The following DCDC2 variants were observed in gnomAD, a reference collection of about 807,000 sequenced individuals.
The protein encoded by DCDC2 is doublecortin domain-containing protein 2.
DCDC2 carries 40 observed loss-of-function variants against 50.2 expected under a neutral mutation model. That is an observed-to-expected ratio of 0.80 (90% CI 0.62 to 1.04). The LOEUF is 1.04. Ranked by LOEUF, DCDC2 falls within the 50% of genes least tolerant of loss-of-function variation. The pLI, the probability that DCDC2 is intolerant of heterozygous loss-of-function variation, is 0.00. For missense variants in DCDC2, 570 were observed against 581.9 expected (o/e 0.98, Z 0.21); for synonymous variants, 234 against 210.6 (o/e 1.11, Z -0.96).
chr6:24,355,274 CT>C (rs369167480), intron 1 of DCDC2, among the ~76,000 whole-genome samples: 141 of 147,660 alleles, frequency 9.5e-4, no homozygotes, highest in South Asian at 8.2e-3. Context: ...GGAACTGTAC[CT>C]TTTTTTTTTA....
intron 1 of DCDC2, chr6:24,357,179 C>A: frequency 3.0e-6 from 1 of 330,808 alleles, no homozygotes; most frequent in Non-Finnish European, 5.5e-6. Flanking sequence ...GGTCACTAAC[C>A]TTTGCAAGGA....
intron 2 of DCDC2, among the ~76,000 whole-genome samples, chr6:24,303,150 A>G (rs1561767073): frequency 6.6e-6 from 1 of 151,674 alleles, no homozygotes; most frequent in South Asian, 2.1e-4. Context: ...CCTTGACCTT[A>G]TGGCCGCTCT....
At position 24,350,215 on chromosome 6, in the gene DCDC2, C is replaced by T. The variant is rs115745007; in HGVS notation, c.348+3354G>A. Among the ~76,000 whole-genome samples, 1,103 of 152,280 alleles carry T rather than the reference C, an allele frequency of 7.2e-3. 14 individuals carry two copies. The highest frequency in any genetic ancestry group is 0.024 in the African/African-American group (1,006 of 41,548). The stretch of plus-strand genomic sequence containing the variant: ...AAGCATTTCCAATGTCAAGGTGACA[C>T]GCACATTCTAGTTAGCATGACCTGA... On this transcript the variant is annotated intron_variant, in intron 2 of 9. Coordinates refer to ENST00000378454, the MANE Select transcript of DCDC2 (RefSeq NM_016356.5).
chr6:24,236,849 A>C (rs1414611596), intron 7 of DCDC2, among the ~76,000 whole-genome samples: 1 of 152,132 alleles, frequency 6.6e-6, no homozygotes, highest in Non-Finnish European at 1.5e-5. Context: ...ATCTCTACTA[A>C]AAATATAAAA....
upstream of DCDC2, among the ~76,000 whole-genome samples, chr6:24,359,999 G>A (rs566022680): frequency 2.5e-3 from 377 of 152,326 alleles, 3 homozygotes; most frequent in African/African-American, 8.7e-3. Flanking sequence ...GGGAGCTCGG[G>A]CGCCGGCCGC....
At chr6:24,372,343 C>T in the DCDC2 span, among the ~76,000 whole-genome samples, 1,733 of 151,824 alleles carry the variant, frequency 0.011, 21 homozygotes, top group Middle Eastern at 0.024. Flanking sequence ...GGCGTGAACC[C>T]GGGAGGCGGA....
In DCDC2 at chr6:24,208,085, C is replaced by T. The variant is rs550233231; in HGVS notation, c.923-2983G>A. Among the ~76,000 whole-genome samples the T allele has an allele frequency of 8.7e-4, 132 of 152,242 alleles. 1 individual carries two copies. Among genetic ancestry groups the T allele is most frequent in the African/African-American group, 3.0e-3 (124 of 41,534 alleles). On this transcript the variant is annotated intron_variant, in intron 7 of 9. Coordinates refer to ENST00000378454, the MANE Select transcript of DCDC2 (RefSeq NM_016356.5). The stretch of plus-strand genomic sequence containing the variant: ...CATCCCCTCAATTTCACCTTGATTT[C>T]GATCATTTTCATCAAATGGAGCGAT...
rs145113890 is a variant in DCDC2 at position 24,344,555 on chromosome 6, T to C, written c.348+9014A>G. Among the ~76,000 whole-genome samples, 21 of 152,358 alleles carry C rather than the reference T, an allele frequency of 1.4e-4. No homozygotes were observed. The East Asian group carries it at 4.0e-3, about 29-fold the overall frequency. ...CAGATATTTGGAACAAATGCCATGATACATGTTCAAAGCTAAAGTAAAATC... is the reference window on the plus strand; with the variant it reads ...CAGATATTTGGAACAAATGCCATGACACATGTTCAAAGCTAAAGTAAAATC... On this transcript the variant is annotated intron_variant, in intron 2 of 9. Coordinates refer to ENST00000378454, the MANE Select transcript of DCDC2 (RefSeq NM_016356.5).
At chr6:24,277,219 T>C (rs892159878) in intron 7 of DCDC2, among the ~76,000 whole-genome samples, 1 of 145,474 alleles carries the variant, frequency 6.9e-6, no homozygotes, top group Non-Finnish European at 1.5e-5. Context: ...ATCTGAAACC[T>C]GATCCCATCA....
chr6:24,308,244 T>C (rs1437366805), intron 2 of DCDC2, among the ~76,000 whole-genome samples: 2 of 152,244 alleles, frequency 1.3e-5, no homozygotes, highest in Non-Finnish European at 2.9e-5. Context: ...GCTGGACTAA[T>C]TGTAGAGACA....
At position 24,219,209 on chromosome 6, in the gene DCDC2, T is replaced by C. The variant is rs148882146; in HGVS notation, c.923-14107A>G. Reference sequence around the variant, plus strand: ...TTTAGGATAAGTGGGAATGCTGATATAGTCAAGAAACATTTTTTTATTCAA... The same window carrying C: ...TTTAGGATAAGTGGGAATGCTGATACAGTCAAGAAACATTTTTTTATTCAA... On this transcript the variant is annotated intron_variant, in intron 7 of 9. Transcript: ENST00000378454. Among the ~76,000 whole-genome samples the C allele has an allele frequency of 7.8e-3, 1,192 of 152,334 alleles. 11 individuals carry two copies. Among genetic ancestry groups the C allele is most frequent in the Non-Finnish European group, 0.013 (901 of 68,034 alleles).
chr6:24,263,934 T>A lies in DCDC2; in HGVS notation c.922+14115A>T, dbSNP rs577904401. 4.6e-5 allele frequency among the ~76,000 whole-genome samples: 7 copies of A among 152,250 alleles called. No individual in the cohort carries two copies. In the East Asian group the frequency reaches 5.8e-4, roughly 13 times the overall value. On this transcript the variant is annotated intron_variant, in intron 7 of 9. Coordinates refer to ENST00000378454, the MANE Select transcript of DCDC2 (RefSeq NM_016356.5). ...CCAAATAAGACAACCTCAAGACATT[T>A]AATAATCCAACTCCCAAAGGTCAAG... is the stretch of plus-strand genomic sequence containing the variant.
At chr6:24,192,215 ACAGT>A (rs1276187715) in intron 8 of DCDC2, among the ~76,000 whole-genome samples, 1 of 152,208 alleles carries the variant, frequency 6.6e-6, no homozygotes, top group African/African-American at 2.4e-5. Context: ...CCTCTTTCTC[ACAGT>A]CAGATCCCAA....
intron 1 of DCDC2, chr6:24,356,760 TG>T (rs2127256939): frequency 6.6e-6 from 1 of 152,362 alleles, no homozygotes; most frequent in African/African-American, 2.4e-5. Context: ...CTTTGTTCCC[TG>T]AACTGACGGT....
At chr6:24,345,435 G>T (rs1009211055) in intron 2 of DCDC2, among the ~76,000 whole-genome samples, 1 of 152,104 alleles carries the variant, frequency 6.6e-6, no homozygotes, top group Non-Finnish European at 1.5e-5. Context: ...AAACTTTTCA[G>T]CAAGGCAAAG....
chr6:24,190,690 C>CA (rs1338393574), intron 8 of DCDC2, among the ~76,000 whole-genome samples: 1 of 152,162 alleles, frequency 6.6e-6, no homozygotes, highest in Non-Finnish European at 1.5e-5. Context: ...CGTGACGCCA[C>CA]AAAAAGCCTT....
intron 8 of DCDC2, among the ~76,000 whole-genome samples, chr6:24,195,238 T>C (rs1021222844): frequency 2.0e-5 from 3 of 152,156 alleles, no homozygotes; most frequent in Non-Finnish European, 4.4e-5. Flanking sequence ...GCTCACGCAA[T>C]AGCAGTAGCC....
At position 24,357,980 on chromosome 6, in the gene DCDC2, T is replaced by C; in HGVS notation, c.-230A>G. 2 of 1,453,110 alleles carry C rather than the reference T, an allele frequency of 1.4e-6. No homozygotes were observed. The highest frequency in any genetic ancestry group is 1.8e-6 in the Non-Finnish European group (2 of 1,095,156). 90.0% of individuals were successfully genotyped at this position (1,453,110 alleles called of 1,614,324 possible). ...GACGCTCAAGTTTTTCACCGTGGCG[T>C]GCACAGCCAATCAGGACCCGCAGTG... On this transcript the variant is annotated 5_prime_UTR_variant, in exon 1 of 10. Coordinates refer to ENST00000378454, the MANE Select transcript of DCDC2 (RefSeq NM_016356.5).
At chr6:24,324,933 A>C (rs575350323) in intron 2 of DCDC2, among the ~76,000 whole-genome samples, 2 of 152,172 alleles carry the variant, frequency 1.3e-5, no homozygotes, top group South Asian at 4.2e-4. Flanking sequence ...AGAGAGAGAG[A>C]GAGCTATGAC....
Sources: allele counts gnomAD v4.1 joint callset (sites outside exome capture counted in the v4.1 genomes callset), GRCh38; gene constraint gnomAD v4.1.1; transcripts MANE v1.5; gene names NCBI Gene and HGNC (gene_info 2026-07-23, HGNC 2026-07-21).